The following TRPM2 variants were observed in gnomAD, a reference collection of about 807,000 sequenced individuals.
The protein encoded by TRPM2 is transient receptor potential cation channel subfamily M member 2.
Under a neutral mutation model 174.0 loss-of-function variants are expected in TRPM2, and 161 were observed. That is an observed-to-expected ratio of 0.93 (90% CI 0.81 to 1.05). The LOEUF (loss-of-function observed/expected upper bound fraction) is 1.05, where lower values mean the gene tolerates loss of function less well. Ranked by LOEUF, TRPM2 falls within the 50% of genes least tolerant of loss-of-function variation. TRPM2 has a pLI of 0.00. For synonymous variants in TRPM2, 954 were observed against 861.3 expected, an observed-to-expected ratio of 1.11 and a Z score of -1.88; for missense variants, 2,057 against 2,038.0, an observed-to-expected ratio of 1.01 and a Z score of -0.18.
chr21:44,366,668 G>C lies in TRPM2; in HGVS notation c.424-86G>C. 4 of 1,587,220 alleles carry C rather than the reference G, an allele frequency of 2.5e-6. No individual in the cohort carries two copies. Among genetic ancestry groups the C allele is most frequent in the South Asian group, 2.2e-5 (2 of 89,846 alleles). The stretch of plus-strand genomic sequence containing the variant: ...GGTGTGCGGTGTCTGCCGCCCGCTG[G>C]GGCCTCTCTGCATGGCCTGTGTGGG... On this transcript the variant is annotated intron_variant, in intron 3 of 31. Transcript: ENST00000397928. This position sits in a 1 kb window ranked among gnomAD's most constrained non-coding sequence, Gnocchi z 6.0.
rs534044857 is a variant in TRPM2, at chr21:44,376,863, T to G, written c.953-849T>G. 7.9e-5 allele frequency among the ~76,000 whole-genome samples: 12 copies of G among 152,290 alleles called. No homozygotes were observed. The highest frequency in any genetic ancestry group is 1.2e-4 in the African/African-American group (5 of 41,540). On this transcript the variant is annotated intron_variant, in intron 6 of 31. Coordinates refer to ENST00000397928, the MANE Select transcript of TRPM2 (RefSeq NM_003307.4). The surrounding 1 kb of genome is among the most constrained non-coding windows in gnomAD (Gnocchi z 4.2). ...CAGGGTCCAACTCAGCAGCTCCAGG[T>G]GGGCTGAGAACTTGCATTAGGAGCA...
chr21:44,360,849 G>GA (rs1325865964), intron 2 of TRPM2, among the ~76,000 whole-genome samples: 1 of 152,086 alleles, frequency 6.6e-6, no homozygotes, highest in Non-Finnish European at 1.5e-5. Flanking sequence ...TTACAGGTGT[G>GA]AGCCACCGCT....
At chr21:44,394,239 G>A (rs1419126383) in intron 11 of TRPM2, among the ~76,000 whole-genome samples, 1 of 151,106 alleles carries the variant, frequency 6.6e-6, no homozygotes, top group Non-Finnish European at 1.5e-5. Context: ...AAGACGCTCA[G>A]TTGGAATATG....
chr21:44,401,982 C>T (rs1318946376), intron 16 of TRPM2, 85 bp downstream of exon 16: 2 of 1,469,122 alleles, frequency 1.4e-6, no homozygotes. Flanking sequence ...GCTTAGAGCC[C>T]ACCCCATCTA....
chr21:44,434,800 G>C (rs2051171014), intron 27 of TRPM2, among the ~76,000 whole-genome samples: 2 of 152,262 alleles, frequency 1.3e-5, no homozygotes, highest in South Asian at 4.1e-4. Flanking sequence ...GATGCAAAGT[G>C]CTGGCCCGAG....
chr21:44,436,425 C>T (rs920455392), intron 28 of TRPM2, among the ~76,000 whole-genome samples: 10 of 152,054 alleles, frequency 6.6e-5, no homozygotes, highest in Admixed American at 2.6e-4. Flanking sequence ...CCCTGGGGTG[C>T]GAGTCACTCT....
At chr21:44,378,750 CT>C (rs764596863) in intron 7 of TRPM2, among the ~76,000 whole-genome samples, 4 of 152,248 alleles carry the variant, frequency 2.6e-5, no homozygotes, top group Non-Finnish European at 5.9e-5. Flanking sequence ...GGCAAAAATG[CT>C]GGGAGTCTTT....
At chr21:44,388,650 C>CAAAAAAAAAA (rs60322957) in intron 9 of TRPM2, among the ~76,000 whole-genome samples, 1 of 83,006 alleles carries the variant, frequency 1.2e-5, no homozygotes, top group Non-Finnish European at 2.6e-5. Context: ...CCTGTCACTA[C>CAAAAAAAAAA]AAAAAAAAAA....
rs923793447 is a variant in TRPM2, at chr21:44,432,851, A to G, written c.3975-2280A>G. Among the ~76,000 whole-genome samples the G allele has an allele frequency of 6.6e-6, 1 of 152,202 alleles. No homozygotes were observed. Among genetic ancestry groups the G allele is most frequent in the East Asian group, 1.9e-4 (1 of 5,194 alleles). ...ATGAACGTGTGATTGCTGTAGCCAG[A>G]CTGTCGCTGTTTTTGCGCTTTGGGG... On this transcript the variant is annotated intron_variant, in intron 27 of 31. Transcript: ENST00000397928. This position sits in a 1 kb window ranked among gnomAD's most constrained non-coding sequence, Gnocchi z 4.9.
In TRPM2 at chr21:44,369,259, C is replaced by T; in HGVS notation, c.687C>T (p.Ser229=). The T allele has an allele frequency of 6.2e-7, 1 of 1,613,788 alleles. No homozygotes were observed. The change falls in exon 5 of 32, where the codon AGC becomes AGT. Residue 229 remains serine, a synonymous_variant. Transcript: ENST00000397928. ...CGGTGCGGGACTTCAGCCTGAGCAG[C>T]AGCTACAAGGAAGGCGAGCTCATCA... The part of the protein sequence containing the change: ...GEAVRDFSLS[S]SYKEGELITI...
chr21:44,418,153 G>A (rs751886001), intron 21 of TRPM2, 45 bp downstream of exon 21: 20 of 1,576,700 alleles, frequency 1.3e-5, no homozygotes, highest in Non-Finnish European at 1.6e-5. Flanking sequence ...GGCCACCCGG[G>A]TGCAGAGGGG....
intron 9 of TRPM2, among the ~76,000 whole-genome samples, chr21:44,386,010 G>A (rs1368381381): frequency 1.3e-5 from 2 of 152,180 alleles, no homozygotes; most frequent in Non-Finnish European, 2.9e-5. Context: ...TTTCTATGCA[G>A]AAAACTAAAG....
intron 11 of TRPM2, among the ~76,000 whole-genome samples, chr21:44,392,774 T>C (rs1009078841): frequency 5.7e-4 from 87 of 152,314 alleles, no homozygotes; most frequent in African/African-American, 2.0e-3. Context: ...CAAAAGGTTC[T>C]GCAGGGAGCG....
Position 44,391,476 on chromosome 21 carries a change from T to A in TRPM2, c.1645T>A (p.Cys549Ser). Residue 549 changes from cysteine (C) to serine (S), a missense_variant, in exon 11 of 32, where the codon TGC becomes AGC. Cys to Ser is a moderately radical substitution (Grantham distance 112). Transcript: ENST00000397928. The surrounding 1 kb of genome is among the most constrained non-coding windows in gnomAD (Gnocchi z 5.0). ...VLVEDPERPA[C>S]APAAPRLQMH... ...GGTGGAGGATCCCGAGCGCCCGGCT[T>A]GCGCGCCCGCGGCGCCCCGCCTGCA... The A allele has an allele frequency of 6.2e-7, 1 of 1,609,078 alleles. No homozygotes were observed. Among genetic ancestry groups the A allele is most frequent in the East Asian group, 2.2e-5 (1 of 44,852 alleles).
At chr21:44,437,750 C>G (rs904931222) in intron 29 of TRPM2, among the ~76,000 whole-genome samples, 1 of 152,168 alleles carries the variant, frequency 6.6e-6, no homozygotes, top group Non-Finnish European at 1.5e-5. Flanking sequence ...ATGGCCTGGG[C>G]CTTTCCTGTT....
chr21:44,406,124 C>A, intron 18 of TRPM2, 87 bp downstream of exon 18: 1 of 1,540,274 alleles, frequency 6.5e-7, no homozygotes, highest in South Asian at 1.2e-5. Flanking sequence ...GTGGCTCGGA[C>A]TGGGGCTTAA....
In TRPM2 at chr21:44,377,706, T is replaced by C. The variant is rs200655859; in HGVS notation, c.953-6T>C. 2 of 1,613,906 alleles carry C rather than the reference T, an allele frequency of 1.2e-6. No homozygotes were observed. Among genetic ancestry groups the C allele is most frequent in the Non-Finnish European group, 1.7e-6 (2 of 1,179,996 alleles). The stretch of plus-strand genomic sequence containing the variant: ...TGGCCCTCACTCGGCTGTGTGCTTT[T>C]TCTAGGTGTGGCCATCAAGATCCCC... On this transcript the variant is annotated splice_region_variant and splice_polypyrimidine_tract_variant and intron_variant, in intron 6 of 31. Coordinates refer to ENST00000397928, the MANE Select transcript of TRPM2 (RefSeq NM_003307.4).
chr21:44,381,948 A>AGATG (rs1324156885), intron 8 of TRPM2, among the ~76,000 whole-genome samples: 43 of 107,076 alleles, frequency 4.0e-4, no homozygotes, highest in African/African-American at 1.3e-3. Context: ...TATGATAGAT[A>AGATG]GATGGATAGA....
At chr21:44,361,839 G>T (rs1188725642) in intron 2 of TRPM2, among the ~76,000 whole-genome samples, 1 of 152,120 alleles carries the variant, frequency 6.6e-6, no homozygotes, top group Non-Finnish European at 1.5e-5. Flanking sequence ...CTCCTGAATA[G>T]CTGGGACTAC....
Sources: gnomAD v4.1 joint callset for allele counts (sites outside exome capture counted in the v4.1 genomes callset) on GRCh38, gnomAD v4.1.1 for gene constraint, Gnocchi (gnomAD v3.1) non-coding constraint, MANE v1.5 for transcripts, NCBI Gene and HGNC (gene_info 2026-07-23, HGNC 2026-07-21) for gene names.